The following EHBP1 variants were observed in gnomAD, a reference collection of about 807,000 sequenced individuals.
The protein encoded by EHBP1 is EH domain-binding protein 1.
Under a neutral mutation model 144.0 loss-of-function variants are expected in EHBP1, and 55 were observed. The ratio of observed to expected loss-of-function variants is 0.38; its 90% CI spans 0.31 to 0.48. The LOEUF (loss-of-function observed/expected upper bound fraction) is 0.48, where lower values mean the gene tolerates loss of function less well. Among genes scored for constraint, EHBP1 ranks in the 20% least tolerant of loss-of-function variants. The pLI is 0.98. For synonymous variants in EHBP1, 469 were observed against 472.7 expected, an observed-to-expected ratio of 0.99 and a Z score of 0.10; for missense variants, 1,200 against 1,364.2, an observed-to-expected ratio of 0.88 and a Z score of 1.90.
intron 10 of EHBP1, among the ~76,000 whole-genome samples, chr2:62,889,513 A>C (rs1397812733): frequency 6.6e-6 from 1 of 151,958 alleles, no homozygotes; most frequent in Admixed American, 6.6e-5. Flanking sequence ...GTTCTTTTCC[A>C]GGGCTTTTGT....
chr2:62,757,426 C>CTTTTTTTTT (rs555494268), intron 3 of EHBP1, among the ~76,000 whole-genome samples: 2 of 113,036 alleles, frequency 1.8e-5, no homozygotes. Context: ...TTTTTTTTTT[C>CTTTTTTTTT]TTTTTTTTTT....
chr2:62,725,546 G>C (rs1185477979), intron 2 of EHBP1, among the ~76,000 whole-genome samples: 1 of 152,220 alleles, frequency 6.6e-6, no homozygotes, highest in Non-Finnish European at 1.5e-5. Flanking sequence ...ACTCAGGGCA[G>C]CAGGGAGTCT....
chr2:62,889,047 C>T (rs1290363741), intron 10 of EHBP1, among the ~76,000 whole-genome samples: 2 of 39,724 alleles, frequency 5.0e-5, no homozygotes, highest in Non-Finnish European at 8.7e-5. Context: ...GTAGGTACCT[C>T]TTTTTTTTTT....
chr2:62,865,051 A>G (rs967743008), intron 9 of EHBP1, 80 bp downstream of exon 9: 27 of 1,440,126 alleles, frequency 1.9e-5, no homozygotes, highest in Non-Finnish European at 2.5e-5. Context: ...GTACCTTTAG[A>G]TGGGTACAAA....
chr2:62,776,227 C>T (rs976651532), intron 5 of EHBP1, among the ~76,000 whole-genome samples: 8 of 152,044 alleles, frequency 5.3e-5, no homozygotes, highest in South Asian at 2.1e-4. Flanking sequence ...CTGATTTCTC[C>T]GTTTTGTCTG....
intron 7 of EHBP1, among the ~76,000 whole-genome samples, chr2:62,847,615 C>T (rs1013051966): frequency 2.6e-5 from 4 of 152,172 alleles, no homozygotes; most frequent in African/African-American, 9.7e-5. Context: ...GGGAAGATAG[C>T]TTGAGCTCAG....
At chr2:62,713,687 T>C (rs1165978249) in intron 2 of EHBP1, among the ~76,000 whole-genome samples, 1 of 152,246 alleles carries the variant, frequency 6.6e-6, no homozygotes, top group Non-Finnish European at 1.5e-5. Flanking sequence ...ACTTTCTATG[T>C]TGCAAGTTAT....
At chr2:63,021,719 A>C (rs2060757509) in intron 19 of EHBP1, among the ~76,000 whole-genome samples, 1 of 152,132 alleles carries the variant, frequency 6.6e-6, no homozygotes, top group Non-Finnish European at 1.5e-5. Context: ...TACTTTATAG[A>C]AGGGTGCAAG....
chr2:62,899,940 C>T (rs1486944274), intron 10 of EHBP1, among the ~76,000 whole-genome samples: 2 of 152,210 alleles, frequency 1.3e-5, no homozygotes, highest in African/African-American at 2.4e-5. Flanking sequence ...GTTGTCTCCA[C>T]TTTACAAATA....
intron 5 of EHBP1, 36 bp from the exon 6 acceptor site, chr2:62,826,051 C>G (rs765894603): frequency 9.2e-6 from 13 of 1,408,880 alleles, no homozygotes; most frequent in Non-Finnish European, 1.2e-5. Context: ...TAAAATAACT[C>G]AAAATTACAT....
At chr2:62,924,997 A>G (rs758680929) in intron 10 of EHBP1, among the ~76,000 whole-genome samples, 1 of 152,236 alleles carries the variant, frequency 6.6e-6, no homozygotes, top group Non-Finnish European at 1.5e-5. Context: ...AACGATGGCA[A>G]TAGAAACTCC....
At chr2:62,855,445 AG>A (rs2048975066) in intron 7 of EHBP1, among the ~76,000 whole-genome samples, 1 of 152,044 alleles carries the variant, frequency 6.6e-6, no homozygotes, top group African/African-American at 2.4e-5. Context: ...TGGCAGCAGG[AG>A]GTAGGTTCCT....
At chr2:62,760,862 A>G (rs373443762) in intron 3 of EHBP1, among the ~76,000 whole-genome samples, 4 of 152,156 alleles carry the variant, frequency 2.6e-5, no homozygotes, top group African/African-American at 9.7e-5. Flanking sequence ...TCTGAATTAG[A>G]TCTAAAGATA....
intron 1 of EHBP1, among the ~76,000 whole-genome samples, chr2:62,681,384 TA>T (rs1558505211): frequency 2.5e-4 from 34 of 134,040 alleles, no homozygotes; most frequent in Non-Finnish European, 4.4e-4. Flanking sequence ...TATAAATATA[TA>T]ATGTGTATAT....
chr2:62,775,858 G>T (rs1573286987), intron 5 of EHBP1, among the ~76,000 whole-genome samples: 1 of 152,270 alleles, frequency 6.6e-6, no homozygotes, highest in East Asian at 1.9e-4. Flanking sequence ...ATCCAGTCTT[G>T]TCTTTCTCCA....
chr2:62,736,977 C>T (rs1033122453), intron 2 of EHBP1, among the ~76,000 whole-genome samples: 4 of 152,090 alleles, frequency 2.6e-5, no homozygotes, highest in African/African-American at 9.7e-5. Flanking sequence ...TCAGTAAGGA[C>T]TGGGTTTGGG....
intron 7 of EHBP1, among the ~76,000 whole-genome samples, chr2:62,835,748 C>T (rs1378050362): frequency 1.3e-5 from 2 of 152,212 alleles, no homozygotes; most frequent in African/African-American, 2.4e-5. Flanking sequence ...CCTGGAAAAT[C>T]GGGTCACTCA....
chr2:62,929,222 C>A (rs1269386467), intron 10 of EHBP1, among the ~76,000 whole-genome samples: 1 of 152,162 alleles, frequency 6.6e-6, no homozygotes, highest in Non-Finnish European at 1.5e-5. Context: ...ATACTCCTTA[C>A]CTCATTATTT....
intron 5 of EHBP1, among the ~76,000 whole-genome samples, chr2:62,797,857 C>G (rs2043656380): frequency 6.6e-6 from 1 of 152,052 alleles, no homozygotes; most frequent in Non-Finnish European, 1.5e-5. Context: ...GGTAATAGTA[C>G]CAGCCTTAAC....
Sources: allele counts gnomAD v4.1 joint callset (sites outside exome capture counted in the v4.1 genomes callset), GRCh38; gene constraint gnomAD v4.1.1; transcripts MANE v1.5; gene names NCBI Gene and HGNC (gene_info 2026-07-23, HGNC 2026-07-21).